Variants in RALGAPA2 observed in about 807,000 individuals in gnomAD.
The protein encoded by RALGAPA2 is Ral GTPase activating protein catalytic subunit alpha 2.
A neutral mutation model predicts 230.4 loss-of-function variants in RALGAPA2; 139 were observed. The ratio of observed to expected loss-of-function variants is 0.60; its 90% CI spans 0.53 to 0.69. The LOEUF (loss-of-function observed/expected upper bound fraction) is 0.69. RALGAPA2 is among the 30% of genes least tolerant of loss of function. The pLI is 0.00. For missense variants in RALGAPA2, 2,163 were observed against 2,276.0 expected (o/e 0.95, Z 1.01); for synonymous variants, 847 against 837.8 (o/e 1.01, Z -0.19).
intron 37 of RALGAPA2, among the ~76,000 whole-genome samples, chr20:20,432,292 T>G (rs1057493100): frequency 1.3e-5 from 2 of 152,184 alleles, no homozygotes; most frequent in Non-Finnish European, 2.9e-5. Context: ...GCCAGGGCTC[T>G]CCTTTGCTGG....
intron 3 of RALGAPA2, among the ~76,000 whole-genome samples, chr20:20,673,763 A>G (rs2068221755): frequency 6.6e-6 from 1 of 152,222 alleles, no homozygotes; most frequent in Non-Finnish European, 1.5e-5. Context: ...GTTATATAAC[A>G]GAGAAAGAAG....
chr20:20,565,488 C>A (rs899325057), intron 23 of RALGAPA2, among the ~76,000 whole-genome samples: 1 of 152,128 alleles, frequency 6.6e-6, no homozygotes, highest in African/African-American at 2.4e-5. Flanking sequence ...CACTGAGGGG[C>A]CTCATGGGAT....
At chr20:20,494,914 A>G (rs1300257485) in intron 36 of RALGAPA2, among the ~76,000 whole-genome samples, 3 of 152,244 alleles carry the variant, frequency 2.0e-5, no homozygotes, top group South Asian at 4.1e-4. Context: ...CAATAATACA[A>G]TTTTGTGCTC....
chr20:20,638,899 C>A (rs1382200785), intron 7 of RALGAPA2, among the ~76,000 whole-genome samples: 1 of 152,134 alleles, frequency 6.6e-6, no homozygotes, highest in African/African-American at 2.4e-5. Context: ...CAGAGAAAAG[C>A]ACAGTTCCCT....
chr20:20,459,948 A>G (rs1049075161), intron 37 of RALGAPA2, among the ~76,000 whole-genome samples: 2 of 152,156 alleles, frequency 1.3e-5, no homozygotes, highest in Non-Finnish European at 2.9e-5. Flanking sequence ...CCTCTCCCAG[A>G]GCATAGGCTG....
chr20:20,680,655 G>A (rs772220572), intron 2 of RALGAPA2, 36 bp downstream of exon 2: 39 of 1,495,628 alleles, frequency 2.6e-5, no homozygotes, highest in Admixed American at 5.8e-5. Flanking sequence ...AAAAATGCCC[G>A]AATGTTTTTT....
chr20:20,642,150 AGGG>A (rs2067057855), intron 5 of RALGAPA2, among the ~76,000 whole-genome samples: 1 of 1,146 alleles, frequency 8.7e-4, no homozygotes, highest in African/African-American at 3.5e-3. Context: ...AGAGAAGGGG[AGGG>A]GAGGGGAGGG....
In RALGAPA2 at chr20:20,703,385, TTTAACTTTATCAAATTCTCAATTGCTA is replaced by T. The variant is rs2069470050; in HGVS notation, c.106+8963_106+8989del. Among the ~76,000 whole-genome samples the T allele has an allele frequency of 3.3e-5, 5 of 152,342 alleles. No homozygotes were observed. In the South Asian group the frequency reaches 1.0e-3, roughly 32 times the overall value. On this transcript the variant is annotated intron_variant, in intron 1 of 39. Transcript: ENST00000202677. ...GACATAATCTCTCTAAAATTCCTAT[TTTAACTTTATCAAATTCTCAATTGCTA>T]GATTTTGCTAGCGGATTCTGGATCC...
chr20:20,712,598 G>A lies in RALGAPA2; in HGVS notation c.-118C>T, dbSNP rs1027495550. ...CGGGCCACTCGCCGCCCCCAGCCCC[G>A]CTGCTGCCGCCGCCGCCGCCGCCGC... On this transcript the variant is annotated 5_prime_UTR_variant, in exon 1 of 40. Coordinates refer to ENST00000202677, the MANE Select transcript of RALGAPA2 (RefSeq NM_020343.4). The surrounding 1 kb of genome is among the most constrained non-coding windows in gnomAD (Gnocchi z 5.5). The A allele has an allele frequency of 8.2e-6, 10 of 1,225,116 alleles. No individual in the cohort carries two copies. Among genetic ancestry groups the A allele is most frequent in the Admixed American group, 4.5e-5 (1 of 22,248 alleles). 75.9% of individuals were successfully genotyped at this position (1,225,116 alleles called of 1,614,324 possible).
At chr20:20,496,096 T>G (rs1326895166) in intron 35 of RALGAPA2, among the ~76,000 whole-genome samples, 1 of 152,156 alleles carries the variant, frequency 6.6e-6, no homozygotes, top group Non-Finnish European at 1.5e-5. Context: ...CAAAGCTACC[T>G]AAGCCTGCAC....
At chr20:20,468,975 G>C (rs1411962911) in intron 37 of RALGAPA2, among the ~76,000 whole-genome samples, 14 of 152,064 alleles carry the variant, frequency 9.2e-5, no homozygotes, top group African/African-American at 3.1e-4. Flanking sequence ...GTGTGTGTGT[G>C]TGTGTGTGTG....
intron 24 of RALGAPA2, among the ~76,000 whole-genome samples, chr20:20,542,423 T>C (rs140735750): frequency 0.013 from 1,918 of 152,300 alleles, 23 homozygotes; most frequent in Non-Finnish European, 0.019. Flanking sequence ...AAATTTCATA[T>C]GGAACCAAAA....
intron 3 of RALGAPA2, among the ~76,000 whole-genome samples, chr20:20,653,919 T>G (rs1249410449): frequency 1.3e-5 from 2 of 152,292 alleles, no homozygotes; most frequent in African/African-American, 4.8e-5. Flanking sequence ...AAATGACAGA[T>G]TCCCCAGGTT....
At chr20:20,467,680 G>C (rs867687070) in intron 37 of RALGAPA2, among the ~76,000 whole-genome samples, 44 of 152,142 alleles carry the variant, frequency 2.9e-4, no homozygotes, top group African/African-American at 1.0e-3. Context: ...AGAGAAGACG[G>C]AAGTCATTCA....
intron 35 of RALGAPA2, among the ~76,000 whole-genome samples, chr20:20,500,144 G>A (rs1293314033): frequency 1.3e-5 from 2 of 152,206 alleles, no homozygotes; most frequent in Non-Finnish European, 2.9e-5. Context: ...TTGCCTTGAT[G>A]TTGTTGGTTG....
Position 20,511,375 on chromosome 20 carries a change from T to C in RALGAPA2, c.4857-50A>G. The C allele has an allele frequency of 2.0e-6, 3 of 1,517,294 alleles. No individual in the cohort carries two copies. The South Asian group carries it at 3.8e-5, about 19-fold the overall frequency. 94.0% of individuals were successfully genotyped at this position (1,517,294 alleles called of 1,614,324 possible). On this transcript the variant is annotated intron_variant, in intron 32 of 39. Coordinates refer to ENST00000202677, the MANE Select transcript of RALGAPA2 (RefSeq NM_020343.4). ...AAAACCATGTGATTACAGAACCATTTTGCCGCTTTTCAATCAGTAATTTAA... is the reference window on the plus strand; with the variant it reads ...AAAACCATGTGATTACAGAACCATTCTGCCGCTTTTCAATCAGTAATTTAA...
At position 20,458,529 on chromosome 20, in the gene RALGAPA2, ATT is replaced by A. The variant is rs1012082734; in HGVS notation, c.5495+14298_5495+14299del. Among the ~76,000 whole-genome samples, 15 of 137,946 alleles carry A rather than the reference ATT, an allele frequency of 1.1e-4. 1 individual carries two copies. Among genetic ancestry groups the A allele is most frequent in the African/African-American group, 3.8e-4 (14 of 37,238 alleles). 90.5% of individuals were successfully genotyped at this position (137,946 alleles called of 152,430 possible). ...TATAATATATATGTATTTTATATATATTATATATAATATATATGTATTTTATA... is the reference window on the plus strand; with the variant it reads ...TATAATATATATGTATTTTATATATAATATATAATATATATGTATTTTATA... On this transcript the variant is annotated intron_variant, in intron 37 of 39. Coordinates refer to ENST00000202677, the MANE Select transcript of RALGAPA2 (RefSeq NM_020343.4).
chr20:20,548,569 GAA>G (rs1215745624), intron 23 of RALGAPA2, among the ~76,000 whole-genome samples: 1 of 150,380 alleles, frequency 6.6e-6, no homozygotes, highest in East Asian at 1.9e-4. Flanking sequence ...AAGGAAGGAA[GAA>G]AAAAAAACAT....
rs1250849211 is a variant in RALGAPA2 at position 20,398,060 on chromosome 20, C to T, written c.5618-1326G>A. ...TAATCATTTAGATTTCTGATTTCCCCCCAATGTGCTGTGCTGAAGGGCCCC... is the reference window on the plus strand; with the variant it reads ...TAATCATTTAGATTTCTGATTTCCCTCCAATGTGCTGTGCTGAAGGGCCCC... On this transcript the variant is annotated intron_variant, in intron 38 of 39. Coordinates refer to ENST00000202677, the MANE Select transcript of RALGAPA2 (RefSeq NM_020343.4). This position sits in a 1 kb window ranked among gnomAD's most constrained non-coding sequence, Gnocchi z 4.5. 6.6e-6 allele frequency among the ~76,000 whole-genome samples: 1 copy of T among 152,138 alleles called. No individual in the cohort carries two copies.
Sources: gnomAD v4.1 joint callset for allele counts (sites outside exome capture counted in the v4.1 genomes callset) on GRCh38, gnomAD v4.1.1 for gene constraint, Gnocchi (gnomAD v3.1) non-coding constraint, MANE v1.5 for transcripts, NCBI Gene and HGNC (gene_info 2026-07-23, HGNC 2026-07-21) for gene names.